CARD14: variants seen among roughly 807,000 people sequenced by gnomAD.
CARD14 encodes caspase recruitment domain-containing protein 14.
A neutral mutation model predicts 111.5 loss-of-function variants in CARD14; 107 were observed. The observed-to-expected ratio is 0.96, with a 90% CI of 0.82 to 1.13. The LOEUF is 1.13. CARD14 is among the 50% of genes most tolerant of loss of function. The pLI, the probability that CARD14 is intolerant of heterozygous loss-of-function variation, is 0.00. For missense variants in CARD14, 1,322 were observed against 1,362.3 expected, an observed-to-expected ratio of 0.97 and a Z score of 0.47; for synonymous variants, 617 against 579.6, an observed-to-expected ratio of 1.06 and a Z score of -0.93.
rs1029013014 is a variant in CARD14, at chr17:80,191,605, C to T, written c.1239+133C>T. 29 of 1,107,118 alleles carry T rather than the reference C, an allele frequency of 2.6e-5. No homozygotes were observed. The Admixed American group carries it at 6.6e-4, about 25-fold the overall frequency. The allele number at this position is 1,107,118 out of a possible 1,614,324, so 68.6% of individuals were successfully genotyped here. On this transcript the variant is annotated intron_variant, in intron 11 of 23. Coordinates refer to ENST00000648509, the MANE Select transcript of CARD14 (RefSeq NM_001366385.1). The stretch of plus-strand genomic sequence containing the variant: ...GGGTCCCAGGCTGGGCCACACGCGG[C>T]ACCTGCAGAGACGGCCCAGTGTCAC...
Position 80,198,270 on chromosome 17 carries a change from A to G in CARD14, c.1658+108A>G. 6.4e-7 allele frequency: 1 copy of G among 1,570,930 alleles called. No homozygotes were observed. The highest frequency in any genetic ancestry group is 2.3e-5 in the East Asian group (1 of 44,300). ...ACCAATGGGAGGCAACAGCCTTTCC[A>G]AGCACATGGGGCCATGGAGGGGGAG... On this transcript the variant is annotated intron_variant, in intron 15 of 23. Coordinates refer to ENST00000648509, the MANE Select transcript of CARD14 (RefSeq NM_001366385.1). This position sits in a 1 kb window ranked among gnomAD's most constrained non-coding sequence, Gnocchi z 7.5.
In CARD14 at chr17:80,208,636, T is replaced by A; in HGVS notation, c.*291T>A. ...TCTGCAGTGGGACAGGAGGGACGTC[T>A]TCCCATGCCTTCCCTAGAACCGGAG... On this transcript the variant is annotated 3_prime_UTR_variant, in exon 24 of 24. Transcript: ENST00000648509. The A allele has an allele frequency of 3.0e-6, 1 of 336,632 alleles. No homozygotes were observed. The highest frequency in any genetic ancestry group is 4.9e-5 in the East Asian group (1 of 20,410). The allele number at this position is 336,632 out of a possible 1,614,324, so 20.9% of individuals were successfully genotyped here.
chr17:80,175,453 G>A (rs1275505890), intron 2 of CARD14, among the ~76,000 whole-genome samples: 2 of 152,172 alleles, frequency 1.3e-5, no homozygotes, highest in East Asian at 3.8e-4. Flanking sequence ...GTTTGATCTG[G>A]AGACTTTGAC....
chr17:80,206,301 A>G (rs2144589964), intron 22 of CARD14, among the ~76,000 whole-genome samples: 1 of 152,200 alleles, frequency 6.6e-6, no homozygotes, highest in Non-Finnish European at 1.5e-5. Context: ...CCGTCTCTAA[A>G]AAAAATTAAA....
At chr17:80,171,084 GC>G (rs2039886060) in intron 1 of CARD14, among the ~76,000 whole-genome samples, 2 of 150,554 alleles carry the variant, frequency 1.3e-5, no homozygotes, top group African/African-American at 4.9e-5. Flanking sequence ...CAGGTAATCC[GC>G]CCATCTTGGT....
chr17:80,198,463 C>T lies in CARD14; in HGVS notation c.1723C>T (p.Gln575Ter). The T allele has an allele frequency of 6.2e-7, 1 of 1,612,748 alleles. No homozygotes were observed. The highest frequency in any genetic ancestry group is 8.5e-7 in the Non-Finnish European group (1 of 1,179,344). Reference protein sequence around the residue: ...ILSQVTMLAFQGDALLEQISV... With the variant: ...ILSQVTMLAF ...GAGCCAGGTCACCATGCTGGCGTTC[C>T]AGGGGGATGCATTGCTGGAGCAGAT... Residue 575 changes from glutamine (Q) to a stop codon, truncating the protein, a stop_gained, in exon 16 of 24, where the codon CAG (glutamine) becomes TAG (stop). Transcript: ENST00000648509. LOFTEE classifies it high-confidence loss of function. The surrounding 1 kb of genome is among the most constrained non-coding windows in gnomAD (Gnocchi z 7.5).
chr17:80,173,716 A>G (rs779983996), intron 2 of CARD14, among the ~76,000 whole-genome samples: 52 of 151,666 alleles, frequency 3.4e-4, no homozygotes, highest in Non-Finnish European at 4.3e-4. Flanking sequence ...CTCCTGCCTC[A>G]GCTTCCCAAG....
rs997962557 is a variant in CARD14 at position 80,184,447 on chromosome 17, G to A, written c.675+209G>A. Among the ~76,000 whole-genome samples, 6 of 152,158 alleles carry A rather than the reference G, an allele frequency of 3.9e-5. No individual in the cohort carries two copies. In the East Asian group the frequency reaches 5.8e-4, roughly 15 times the overall value. On this transcript the variant is annotated intron_variant, in intron 7 of 23. Transcript: ENST00000648509. Reference sequence around the variant, plus strand: ...GGCCCCTCTGTGTAGCCTGCATGGCGACGAGGTGTGCCTTGTCCAGTAGCT... The same window carrying A: ...GGCCCCTCTGTGTAGCCTGCATGGCAACGAGGTGTGCCTTGTCCAGTAGCT...
intron 7 of CARD14, among the ~76,000 whole-genome samples, chr17:80,186,904 G>C (rs1431578781): frequency 6.6e-6 from 1 of 152,176 alleles, no homozygotes; most frequent in Non-Finnish European, 1.5e-5. Context: ...ATCACTACTA[G>C]GGTGTCTTTG....
At chr17:80,204,142 C>A in intron 19 of CARD14, 85 bp from the exon 20 acceptor site, 1 of 1,361,072 alleles carries the variant, frequency 7.3e-7, no homozygotes, top group Non-Finnish European at 1.0e-6. Context: ...CCAGGTCGCC[C>A]TAGTGCCAAT....
Position 80,198,292 on chromosome 17 carries a change from G to T in CARD14, c.1659-107G>T. 3 of 1,565,262 alleles carry T rather than the reference G, an allele frequency of 1.9e-6. No individual in the cohort carries two copies. Among genetic ancestry groups the T allele is most frequent in the Non-Finnish European group, 1.7e-6 (2 of 1,147,762 alleles). On this transcript the variant is annotated intron_variant, in intron 15 of 23. Transcript: ENST00000648509. The surrounding 1 kb of genome is among the most constrained non-coding windows in gnomAD (Gnocchi z 7.5). ...TCCAAGCACATGGGGCCATGGAGGG[G>T]GAGGAGAATTCCAGAACACTGGGGC...
Position 80,204,263 on chromosome 17 carries a change from G to C in CARD14, c.2320G>C (p.Val774Leu). 6.3e-7 allele frequency: 1 copy of C among 1,598,878 alleles called. No homozygotes were observed. ...GGGACCACAGAAGCTGGTCCGCATCGTCAGTATGGACAAAGCCAAGGCCAG... is the reference window on the plus strand; with the variant it reads ...GGGACCACAGAAGCTGGTCCGCATCCTCAGTATGGACAAAGCCAAGGCCAG... Reference protein sequence around the residue: ...SGGPQKLVRIVSMDKAKASPL... With the variant: ...SGGPQKLVRILSMDKAKASPL... The change falls in exon 20 of 24, where the codon GTC becomes CTC. Residue 774 changes from valine to leucine, a missense_variant. By Grantham distance (32) the Val-to-Leu change is conservative (BLOSUM62 1). Coordinates refer to ENST00000648509, the MANE Select transcript of CARD14 (RefSeq NM_001366385.1).
At position 80,205,218 on chromosome 17, in the gene CARD14, C is replaced by G. The variant is rs776297008; in HGVS notation, c.2569+13C>G. On this transcript the variant is annotated intron_variant, in intron 21 of 23. Coordinates refer to ENST00000648509, the MANE Select transcript of CARD14 (RefSeq NM_001366385.1). ...AAGTGCCTGGCAGGTATGCTGTTGC[C>G]TGGGAATCCCTCTACCCCTTCCACC... 3.0e-5 allele frequency: 48 copies of G among 1,604,358 alleles called. No homozygotes were observed. The highest frequency in any genetic ancestry group is 3.3e-5 in the Non-Finnish European group (39 of 1,173,918).
In CARD14 at chr17:80,182,699, C is replaced by T. The variant is rs147122239; in HGVS notation, c.258C>T (p.Ile86=). 3.7e-5 allele frequency: 59 copies of T among 1,614,146 alleles called. No individual in the cohort carries two copies. In the East Asian group the frequency reaches 4.5e-4, roughly 12 times the overall value. The change falls in exon 6 of 24, where the codon ATC becomes ATT. Residue 86 remains isoleucine, a synonymous_variant. Coordinates refer to ENST00000648509, the MANE Select transcript of CARD14 (RefSeq NM_001366385.1). The surrounding 1 kb of genome is among the most constrained non-coding windows in gnomAD (Gnocchi z 4.7). The part of the protein sequence containing the change: ...LLKTRGKNGA[I]AFLESLKFHN... ...AGACTCGAGGGAAGAACGGGGCCAT[C>T]GCCTTCCTGGAGAGCCTGAAGTTCC...
At position 80,203,902 on chromosome 17, in the gene CARD14, G is replaced by A. The variant is rs2041127774; in HGVS notation, c.2283+17G>A. On this transcript the variant is annotated intron_variant, in intron 19 of 23. Coordinates refer to ENST00000648509, the MANE Select transcript of CARD14 (RefSeq NM_001366385.1). This position sits in a 1 kb window ranked among gnomAD's most constrained non-coding sequence, Gnocchi z 4.6. ...ACCCGCAAGGTGAGGCTCCAGGGAG[G>A]GGCCTGGACCCCACTGGGGTGGGCT... is the stretch of plus-strand genomic sequence containing the variant. 1.3e-6 allele frequency: 2 copies of A among 1,582,126 alleles called. No homozygotes were observed. The highest frequency in any genetic ancestry group is 1.7e-6 in the Non-Finnish European group (2 of 1,163,332).
rs1002948917 is a variant in CARD14, at chr17:80,174,428, G to T, written c.-367+1200G>T. 5.3e-4 allele frequency among the ~76,000 whole-genome samples: 81 copies of T among 152,092 alleles called. 1 individual carries two copies. The highest frequency in any genetic ancestry group is 2.9e-5 in the Non-Finnish European group (2 of 68,010). On this transcript the variant is annotated intron_variant, in intron 2 of 23. Transcript: ENST00000648509. ...GGGTTTTGCCATGTTGGCCAGACTG[G>T]TCTGGAACTCCTGACCTCAGGCGAC...
At position 80,202,406 on chromosome 17, in the gene CARD14, C is replaced by G; in HGVS notation, c.2205C>G (p.Ile735Met). ...AGGATACTGCCGCGCACGGCACCAT[C>G]CCCAACTACTCCAGGTGAGCAGCTG... ...TMKDTAAHGT[I>M]PNYSRAQQQL... Residue 735 changes from isoleucine to methionine, a missense_variant, in exon 18 of 24, where the codon ATC becomes ATG. Coordinates refer to ENST00000648509, the MANE Select transcript of CARD14 (RefSeq NM_001366385.1). 1 of 1,612,086 alleles carries G rather than the reference C, an allele frequency of 6.2e-7. No individual in the cohort carries two copies. The highest frequency in any genetic ancestry group is 8.5e-7 in the Non-Finnish European group (1 of 1,179,278).
At chr17:80,176,334 C>G (rs773530436) in intron 2 of CARD14, among the ~76,000 whole-genome samples, 2 of 150,328 alleles carry the variant, frequency 1.3e-5, no homozygotes, top group African/African-American at 4.9e-5. Flanking sequence ...CCAGATACTC[C>G]GGAGGCTAAG....
At position 80,182,308 on chromosome 17, in the gene CARD14, C is replaced by T. The variant is rs1008579142; in HGVS notation, c.212-345C>T. Among the ~76,000 whole-genome samples, 6 of 152,192 alleles carry T rather than the reference C, an allele frequency of 3.9e-5. No individual in the cohort carries two copies. Among genetic ancestry groups the T allele is most frequent in the African/African-American group, 1.2e-4 (5 of 41,452 alleles). ...CCGTGGTGGGACCCTGCGTCTGCAT[C>T]ACCCACCAGCTTGCCAGGGAGGTGC... On this transcript the variant is annotated intron_variant, in intron 5 of 23. Transcript: ENST00000648509. This position sits in a 1 kb window ranked among gnomAD's most constrained non-coding sequence, Gnocchi z 4.7.
Sources: allele counts gnomAD v4.1 joint callset (sites outside exome capture counted in the v4.1 genomes callset), GRCh38; gene constraint gnomAD v4.1.1; non-coding constraint Gnocchi (gnomAD v3.1); transcripts MANE v1.5; gene names NCBI Gene and HGNC (gene_info 2026-07-23, HGNC 2026-07-21).